Variants in POLR2F observed in about 807,000 individuals in gnomAD.
POLR2F encodes RNA polymerase II, I and III subunit F.
Under a neutral mutation model 22.7 loss-of-function variants are expected in POLR2F, and 12 were observed. The ratio of observed to expected loss-of-function variants is 0.53; its 90% CI spans 0.34 to 0.86. The LOEUF (loss-of-function observed/expected upper bound fraction) is 0.86. Ranked by LOEUF, POLR2F falls within the 40% of genes least tolerant of loss-of-function variation. POLR2F has a pLI of 0.02. For missense variants in POLR2F, 126 were observed against 171.5 expected, an observed-to-expected ratio of 0.73 and a Z score of 1.48; for synonymous variants, 57 against 66.0, an observed-to-expected ratio of 0.86 and a Z score of 0.66.
In POLR2F at chr22:38,016,928, G is replaced by A. The variant is rs1219586355; in HGVS notation, c.121-8941G>A. Reference sequence around the variant, plus strand: ...TGTGGATTGATGTCTGGGCCTGGGCGGATGTGCCGGCAGCTGGGCGGCCGG... The same window carrying A: ...TGTGGATTGATGTCTGGGCCTGGGCAGATGTGCCGGCAGCTGGGCGGCCGG... On this transcript the variant is annotated intron_variant, in intron 1 of 2. Coordinates refer to the POLR2F transcript ENST00000333418. This position sits in a 1 kb window ranked among gnomAD's most constrained non-coding sequence, Gnocchi z 4.4. Among the ~76,000 whole-genome samples the A allele has an allele frequency of 2.0e-5, 3 of 152,060 alleles. No homozygotes were observed. Among genetic ancestry groups the A allele is most frequent in the African/African-American group, 7.2e-5 (3 of 41,420 alleles).
At chr22:37,959,930 G>T (rs1452674355) in intron 3 of POLR2F, among the ~76,000 whole-genome samples, 1 of 150,350 alleles carries the variant, frequency 6.7e-6, no homozygotes, top group Non-Finnish European at 1.5e-5. Context: ...CAGCCTCCCA[G>T]GTAGCTGGAA....
intron 1 of POLR2F, among the ~76,000 whole-genome samples, chr22:37,996,864 C>G (rs2084719258): frequency 6.6e-6 from 1 of 152,180 alleles, no homozygotes; most frequent in African/African-American, 2.4e-5. Flanking sequence ...GGTGGGACAT[C>G]TGTATGTTTA....
intron 5 of POLR2F, among the ~76,000 whole-genome samples, chr22:38,039,644 T>C (rs2085152450): frequency 6.6e-6 from 1 of 152,186 alleles, no homozygotes; most frequent in South Asian, 2.1e-4. Flanking sequence ...CTTCCACCCC[T>C]GCACCAGCCC....
At chr22:38,012,616 A>G (rs1473928330) in intron 1 of POLR2F, among the ~76,000 whole-genome samples, 3 of 152,174 alleles carry the variant, frequency 2.0e-5, no homozygotes, top group Non-Finnish European at 4.4e-5. Context: ...TCGTTGTTCC[A>G]GGATCCAAGC....
intron 5 of POLR2F, chr22:38,040,854 A>G (rs2085165363): frequency 7.4e-6 from 5 of 674,328 alleles, no homozygotes; most frequent in East Asian, 5.6e-5. Context: ...GCGCTCTGTA[A>G]TGGCAGCTTT....
downstream of POLR2F, chr22:38,041,153 G>A (rs1206243322): frequency 2.7e-5 from 44 of 1,612,004 alleles, no homozygotes; most frequent in Non-Finnish European, 5.1e-6. Context: ...GCCAGAGCCA[G>A]GCTGGTGACT....
chr22:37,960,834 G>A (rs1295981686), intron 3 of POLR2F, among the ~76,000 whole-genome samples: 4 of 147,478 alleles, frequency 2.7e-5, no homozygotes, highest in South Asian at 2.2e-4. Context: ...TGCCCGGCCG[G>A]TGCAATTTTC....
chr22:38,003,865 C>G (rs2084797054), intron 1 of POLR2F, among the ~76,000 whole-genome samples: 1 of 152,210 alleles, frequency 6.6e-6, no homozygotes, highest in African/African-American at 2.4e-5. Flanking sequence ...GCGTGAGCCA[C>G]TGTGCCCAGA....
At chr22:37,983,728 C>T (rs1434673450), upstream of POLR2F, 20 of 1,487,222 alleles carry the variant, frequency 1.3e-5, no homozygotes, top group African/African-American at 1.4e-5. This position sits in a 1 kb window ranked among gnomAD's most constrained non-coding sequence, Gnocchi z 9.5. Flanking sequence ...GGCAGCGGGG[C>T]TCCTCCGAGC....
At chr22:37,961,291 A>G (rs1931631957) in intron 3 of POLR2F, among the ~76,000 whole-genome samples, 1 of 151,722 alleles carries the variant, frequency 6.6e-6, no homozygotes, top group Non-Finnish European at 1.5e-5. Context: ...CTCAGCCTCA[A>G]GTGATTCTCC....
intron 1 of POLR2F, among the ~76,000 whole-genome samples, chr22:38,002,934 C>T (rs570548290): frequency 1.8e-4 from 28 of 151,954 alleles, no homozygotes; most frequent in Non-Finnish European, 2.4e-4. Flanking sequence ...ACCGTGTTAG[C>T]CAGAATGGTC....
intron 5 of POLR2F, chr22:38,040,935 G>A: frequency 6.8e-7 from 1 of 1,460,288 alleles, no homozygotes. Flanking sequence ...GGTCAAGTCA[G>A]CCAGAGGAGA....
chr22:38,023,668 G>A lies in POLR2F; in HGVS notation c.121-2201G>A, dbSNP rs74623368. On this transcript the variant is annotated intron_variant, in intron 1 of 2. Transcript: ENST00000333418. ...GAGATCCCCATTCTTCTGTCTCTAT[G>A]ATTTTTGCTTTTTTTTCTTTTTGGG... Among the ~76,000 whole-genome samples, 725 of 151,802 alleles carry A rather than the reference G, an allele frequency of 4.8e-3. 5 individuals are homozygous for A. Among genetic ancestry groups the A allele is most frequent in the African/African-American group, 0.017 (699 of 41,410 alleles).
chr22:37,966,640 T>A (rs1018973487), intron 3 of POLR2F, among the ~76,000 whole-genome samples: 4 of 151,906 alleles, frequency 2.6e-5, no homozygotes, highest in African/African-American at 9.7e-5. Context: ...AAAATTAGCA[T>A]AGCTGGTGGT....
intron 1 of POLR2F, among the ~76,000 whole-genome samples, chr22:37,994,249 G>A (rs1277160113): frequency 6.6e-6 from 1 of 152,138 alleles, no homozygotes; most frequent in African/African-American, 2.4e-5. Flanking sequence ...GTTCACACAG[G>A]AAGTATAATA....
chr22:38,030,498 C>G (rs1045869701), downstream of POLR2F, among the ~76,000 whole-genome samples: 3 of 152,158 alleles, frequency 2.0e-5, no homozygotes, highest in South Asian at 4.2e-4. Flanking sequence ...ACTGCCACAC[C>G]CTGGGTTATA....
downstream of POLR2F, chr22:37,972,271 A>G: frequency 7.7e-7 from 1 of 1,299,230 alleles, no homozygotes; most frequent in Non-Finnish European, 1.0e-6. Flanking sequence ...GTACAGGGAT[A>G]AGAGATGAAG....
chr22:37,963,809 G>A (rs1409110408), intron 3 of POLR2F, among the ~76,000 whole-genome samples: 1 of 152,098 alleles, frequency 6.6e-6, no homozygotes, highest in African/African-American at 2.4e-5. Context: ...GATGATTAAA[G>A]ATGTAGTCCC....
intron 3 of POLR2F, among the ~76,000 whole-genome samples, chr22:37,961,189 C>T (rs1237489113): frequency 6.6e-6 from 1 of 152,138 alleles, no homozygotes; most frequent in Non-Finnish European, 1.5e-5. Flanking sequence ...CAAGTAGCTT[C>T]AAGCTGGGAT....
Sources: gnomAD v4.1 joint callset for allele counts (sites outside exome capture counted in the v4.1 genomes callset) on GRCh38, gnomAD v4.1.1 for gene constraint, Gnocchi (gnomAD v3.1) non-coding constraint, MANE v1.5 for transcripts, NCBI Gene and HGNC (gene_info 2026-07-23, HGNC 2026-07-21) for gene names.